The following FSTL5 variants were observed in gnomAD, a reference collection of about 807,000 sequenced individuals.
FSTL5 encodes follistatin-related protein 5.
In FSTL5, 62 loss-of-function variants were observed where a neutral mutation model predicts 89.1. That is an observed-to-expected ratio of 0.70 (90% CI 0.57 to 0.86). FSTL5 has a LOEUF of 0.86. Among genes scored for constraint, FSTL5 ranks in the 40% least tolerant of loss-of-function variants. The probability of loss-of-function intolerance (pLI) is 0.00; values close to 1 mark genes in which losing one functional copy is unlikely to be tolerated. For synonymous variants in FSTL5, 383 were observed against 346.2 expected (o/e 1.11, Z -1.18); for missense variants, 1,057 against 1,001.6 (o/e 1.06, Z -0.75).
chr4:161,672,326 G>A (rs762206934), intron 6 of FSTL5, among the ~76,000 whole-genome samples: 1 of 152,082 alleles, frequency 6.6e-6, no homozygotes, highest in Non-Finnish European at 1.5e-5. Flanking sequence ...CCTCTTGACA[G>A]TTTACGACCC....
chr4:161,887,176 G>T (rs986766133), intron 4 of FSTL5, among the ~76,000 whole-genome samples: 2 of 152,126 alleles, frequency 1.3e-5, no homozygotes, highest in East Asian at 3.9e-4. Context: ...GTATCAGCCA[G>T]TTATTTAAGC....
chr4:162,119,516 T>G (rs2111429003), intron 1 of FSTL5, among the ~76,000 whole-genome samples: 1 of 152,342 alleles, frequency 6.6e-6, no homozygotes, highest in African/African-American at 2.4e-5. Flanking sequence ...AGTTCTTTTT[T>G]ACAGAGGATT....
At chr4:161,729,544 A>G (rs1434622524) in intron 6 of FSTL5, among the ~76,000 whole-genome samples, 1 of 152,132 alleles carries the variant, frequency 6.6e-6, no homozygotes, top group East Asian at 1.9e-4. Context: ...ATGTTCAGTG[A>G]TATATGATTT....
At chr4:162,111,905 G>A (rs1484837522) in intron 1 of FSTL5, among the ~76,000 whole-genome samples, 1 of 152,102 alleles carries the variant, frequency 6.6e-6, no homozygotes, top group Non-Finnish European at 1.5e-5. Flanking sequence ...AATTAACTGA[G>A]TACAACAGAA....
At chr4:161,959,229 A>T (rs565934163) in intron 3 of FSTL5, among the ~76,000 whole-genome samples, 1 of 152,292 alleles carries the variant, frequency 6.6e-6, no homozygotes, top group African/African-American at 2.4e-5. Context: ...ATAAAAGGTG[A>T]CAAGAACATT....
At chr4:161,487,877 T>C (rs1358023617) in intron 12 of FSTL5, among the ~76,000 whole-genome samples, 1 of 152,096 alleles carries the variant, frequency 6.6e-6, no homozygotes, top group African/African-American at 2.4e-5. Flanking sequence ...TCAAGGCAAA[T>C]ACAACACAGT....
chr4:161,863,229 G>A (rs1015658564), intron 4 of FSTL5, among the ~76,000 whole-genome samples: 1 of 152,196 alleles, frequency 6.6e-6, no homozygotes, highest in Non-Finnish European at 1.5e-5. Context: ...AAATGATCTT[G>A]TTAGATGTAA....
At chr4:161,429,123 T>G (rs1732265567) in intron 15 of FSTL5, among the ~76,000 whole-genome samples, 1 of 150,198 alleles carries the variant, frequency 6.7e-6, no homozygotes. Flanking sequence ...AGGAGAAGAG[T>G]GAAAATGGGA....
chr4:161,392,187 T>A (rs1195836022), intron 15 of FSTL5, among the ~76,000 whole-genome samples: 1 of 152,050 alleles, frequency 6.6e-6, no homozygotes, highest in Admixed American at 6.6e-5. Flanking sequence ...CCACTTCTAG[T>A]GAGTAATTGG....
chr4:161,533,787 A>T (rs1349065767), intron 10 of FSTL5, among the ~76,000 whole-genome samples: 2 of 152,110 alleles, frequency 1.3e-5, no homozygotes, highest in Non-Finnish European at 2.9e-5. Flanking sequence ...CAAAAAAGAA[A>T]ACTTCAGGAT....
At chr4:161,421,162 A>G (rs1003786803) in intron 15 of FSTL5, among the ~76,000 whole-genome samples, 3 of 152,080 alleles carry the variant, frequency 2.0e-5, no homozygotes, top group Admixed American at 1.3e-4. Context: ...TAACACTGTG[A>G]AACCCAACTC....
intron 10 of FSTL5, among the ~76,000 whole-genome samples, chr4:161,512,532 AATGAAGTGAAGGGT>A (rs1730684755): frequency 6.6e-6 from 1 of 152,100 alleles, no homozygotes; most frequent in Non-Finnish European, 1.5e-5. Context: ...AGTAAGAATA[AATGAAGTGAAGGGT>A]ATGATTCAAT....
At chr4:161,437,937 T>C (rs1381689611) in intron 15 of FSTL5, among the ~76,000 whole-genome samples, 2 of 152,132 alleles carry the variant, frequency 1.3e-5, no homozygotes, top group Non-Finnish European at 2.9e-5. Context: ...GTGATACAAT[T>C]GAGACGGAAG....
chr4:161,588,996 T>C (rs1045255721), intron 7 of FSTL5, among the ~76,000 whole-genome samples: 12 of 138,220 alleles, frequency 8.7e-5, no homozygotes, highest in Non-Finnish European at 7.8e-5. Flanking sequence ...CTATCCCTAA[T>C]GTTTTTTTTT....
chr4:161,581,865 C>A (rs183937308), intron 8 of FSTL5, among the ~76,000 whole-genome samples: 45 of 152,282 alleles, frequency 3.0e-4, no homozygotes, highest in Middle Eastern at 6.8e-3. Context: ...AAGCTTTCTG[C>A]CCAGAGGGGC....
chr4:161,605,242 T>C (rs767341742), intron 7 of FSTL5, among the ~76,000 whole-genome samples: 2 of 152,212 alleles, frequency 1.3e-5, no homozygotes, highest in Non-Finnish European at 2.9e-5. Flanking sequence ...CATGACTGTA[T>C]TGTTTTTATA....
rs144709568 is a variant in FSTL5 at position 161,983,734 on chromosome 4, G to A, written c.160+49891C>T. ...CTTATGAATACATGTTTTTCAATAT[G>A]TCTCTCACCAAAATAACCTTAGGGC... On this transcript the variant is annotated intron_variant, in intron 3 of 15. Coordinates refer to ENST00000306100, the MANE Select transcript of FSTL5 (RefSeq NM_020116.5). Among the ~76,000 whole-genome samples the A allele has an allele frequency of 5.2e-3, 796 of 152,156 alleles. 9 individuals carry two copies. The highest frequency in any genetic ancestry group is 0.018 in the African/African-American group (753 of 41,514).
chr4:161,507,860 T>C (rs1730531526), intron 11 of FSTL5, among the ~76,000 whole-genome samples: 2 of 151,956 alleles, frequency 1.3e-5, no homozygotes, highest in African/African-American at 4.8e-5. Flanking sequence ...ATGAGTTCAA[T>C]GGCATTATGA....
intron 2 of FSTL5, among the ~76,000 whole-genome samples, chr4:162,086,455 T>G (rs1029585913): frequency 6.6e-6 from 1 of 151,876 alleles, no homozygotes; most frequent in African/African-American, 2.4e-5. Context: ...CGTTAACAAT[T>G]TATAGGATAT....
Sources: allele counts gnomAD v4.1 joint callset (sites outside exome capture counted in the v4.1 genomes callset), GRCh38; gene constraint gnomAD v4.1.1; transcripts MANE v1.5; gene names NCBI Gene and HGNC (gene_info 2026-07-23, HGNC 2026-07-21).